The following ANK3 variants were observed in gnomAD, a reference collection of about 807,000 sequenced individuals.
ANK3 encodes the protein ankyrin-3.
In ANK3, 57 loss-of-function variants were observed where a neutral mutation model predicts 370.9. That is an observed-to-expected ratio of 0.15 (90% CI 0.12 to 0.19). ANK3 has a LOEUF of 0.19. Ranked by LOEUF, ANK3 falls within the 10% of genes least tolerant of loss-of-function variation. ANK3 has a pLI of 1.00. For missense variants in ANK3, 4,439 were observed against 5,302.1 expected (o/e 0.84, Z 5.06); for synonymous variants, 1,929 against 1,946.3 (o/e 0.99, Z 0.23).
chr10:60,171,880 T>C (rs550998029), intron 21 of ANK3, among the ~76,000 whole-genome samples: 2 of 152,348 alleles, frequency 1.3e-5, no homozygotes, highest in South Asian at 4.1e-4. Context: ...TAAACATTTT[T>C]TTACAGGAAT....
At chr10:60,728,461 A>C (rs899311590) in intron 1 of ANK3, among the ~76,000 whole-genome samples, 46 of 152,246 alleles carry the variant, frequency 3.0e-4, no homozygotes, top group African/African-American at 1.0e-3. Context: ...AAAGTTCCCA[A>C]CATTTGGAAA....
chr10:60,056,094 G>A, intron 41 of ANK3, 58 bp from the exon 42 acceptor site: 1 of 1,527,408 alleles, frequency 6.5e-7, no homozygotes, highest in Non-Finnish European at 8.7e-7. Context: ...ATAGGTTGCA[G>A]AAACTCTAAA....
intron 1 of ANK3, among the ~76,000 whole-genome samples, chr10:60,313,023 G>C (rs2132854584): frequency 6.6e-6 from 1 of 152,338 alleles, no homozygotes; most frequent in South Asian, 2.1e-4. Flanking sequence ...CTCTTGCTGG[G>C]AAGGCCAGTC....
At chr10:60,667,308 T>C (rs1285804386) in intron 1 of ANK3, among the ~76,000 whole-genome samples, 1 of 150,880 alleles carries the variant, frequency 6.6e-6, no homozygotes, top group Non-Finnish European at 1.5e-5. Flanking sequence ...CCCCATTTCC[T>C]ACTAAGAGAA....
chr10:60,600,735 A>G (rs879670300), intron 2 of ANK3, among the ~76,000 whole-genome samples: 4 of 152,184 alleles, frequency 2.6e-5, no homozygotes, highest in Non-Finnish European at 5.9e-5. Flanking sequence ...ACAAGGTTAT[A>G]TGTAACATTT....
chr10:60,157,188 C>T (rs2095357687), intron 23 of ANK3, among the ~76,000 whole-genome samples: 1 of 151,958 alleles, frequency 6.6e-6, no homozygotes, highest in Admixed American at 6.6e-5. Context: ...CAGGCACGTG[C>T]CACCACGCCT....
upstream of ANK3, chr10:60,389,946 T>C: frequency 1.4e-6 from 1 of 736,390 alleles, no homozygotes; most frequent in Non-Finnish European, 1.7e-6. Context: ...TCACCACACA[T>C]GCAGAAGCAA....
In ANK3 at chr10:60,134,323, T is replaced by C. The variant is rs2094232156; in HGVS notation, c.2789A>G (p.Tyr930Cys). The C allele has an allele frequency of 6.8e-6, 11 of 1,613,926 alleles. No individual in the cohort carries two copies. Among genetic ancestry groups the C allele is most frequent in the East Asian group, 2.2e-5 (1 of 44,830 alleles). ...TTCAATCATCATGCTGTCCCGTGCA[T>C]AGGAGCTTCTGTTCAAGGTGTAAGA... is the stretch of plus-strand genomic sequence containing the variant. The part of the protein sequence containing the change: ...DRSYTLNRSS[Y>C]ARDSMMIEEL... Residue 930 changes from tyrosine to cysteine, a missense_variant, in exon 25 of 44, where the codon TAT becomes TGT. Transcript: ENST00000280772.
At chr10:60,125,679 G>A (rs2093720977) in intron 25 of ANK3, among the ~76,000 whole-genome samples, 1 of 152,186 alleles carries the variant, frequency 6.6e-6, no homozygotes, top group South Asian at 2.1e-4. Context: ...ACGGGTGTGG[G>A]AGATGGGGGT....
At chr10:60,139,220 T>C (rs2132208521) in intron 23 of ANK3, 133 bp from the exon 24 acceptor site, 2 of 1,086,188 alleles carry the variant, frequency 1.8e-6, no homozygotes, top group East Asian at 2.4e-5. Context: ...ACCTGGATAA[T>C]TTTTGAAACT....
At chr10:60,127,988 C>G (rs1447926722) in intron 25 of ANK3, among the ~76,000 whole-genome samples, 1 of 151,988 alleles carries the variant, frequency 6.6e-6, no homozygotes, top group African/African-American at 2.4e-5. Context: ...TGAGCCACCG[C>G]GCCCGGCCAG....
At chr10:60,120,833 A>C (rs1263712523) in intron 25 of ANK3, among the ~76,000 whole-genome samples, 1 of 152,222 alleles carries the variant, frequency 6.6e-6, no homozygotes. Context: ...AATTCTAACC[A>C]GGATTTGGAG....
At chr10:60,587,519 A>C (rs2077849173) in intron 2 of ANK3, among the ~76,000 whole-genome samples, 1 of 152,196 alleles carries the variant, frequency 6.6e-6, no homozygotes, top group African/African-American at 2.4e-5. Flanking sequence ...TGAGCCTAGA[A>C]CATCTTGGCA....
upstream of ANK3, among the ~76,000 whole-genome samples, chr10:60,390,462 T>C (rs1160843163): frequency 1.3e-5 from 2 of 152,134 alleles, no homozygotes; most frequent in Non-Finnish European, 2.9e-5. Context: ...TGCTTTCATG[T>C]TAGGGTTTGC....
In ANK3 at chr10:60,525,579, C is replaced by T. The variant is rs372514814; in HGVS notation, c.96+89607G>A. ...CAGTGGTTACCAAGGAAATAAGAGA[C>T]GTGGGTTCTGTCCTATATGACTGTA... On this transcript the variant is annotated intron_variant, in intron 2 of 43. Transcript: ENST00000373827. Among the ~76,000 whole-genome samples the T allele has an allele frequency of 4.6e-4, 70 of 152,168 alleles. 2 individuals carry two copies. The South Asian group carries it at 0.01, about 23-fold the overall frequency.
intron 12 of ANK3, among the ~76,000 whole-genome samples, chr10:60,201,545 C>T (rs755570159): frequency 6.6e-6 from 1 of 152,114 alleles, no homozygotes; most frequent in Non-Finnish European, 1.5e-5. Context: ...AGTTACCACT[C>T]TGATAGCTAC....
At chr10:60,391,825 C>T (rs189051401), upstream of ANK3, among the ~76,000 whole-genome samples, 57 of 152,282 alleles carry the variant, frequency 3.7e-4, 1 homozygote, top group Middle Eastern at 0.034. Flanking sequence ...CTCTTTGCTT[C>T]CCCCAAATGT....
chr10:60,446,511 C>A (rs952594554), intron 2 of ANK3, among the ~76,000 whole-genome samples: 4 of 152,124 alleles, frequency 2.6e-5, no homozygotes, highest in African/African-American at 9.7e-5. Context: ...GGTTTGGAGA[C>A]TTTCTGGTGT....
chr10:60,200,402 G>C, intron 12 of ANK3, 175 bp from the exon 13 acceptor site: 1 of 655,702 alleles, frequency 1.5e-6, no homozygotes, highest in Non-Finnish European at 2.8e-6. Flanking sequence ...CCTGGTCCAT[G>C]AGGCAAAGAC....
Sources: allele counts gnomAD v4.1 joint callset (sites outside exome capture counted in the v4.1 genomes callset), GRCh38; gene constraint gnomAD v4.1.1; transcripts MANE v1.5; gene names NCBI Gene and HGNC (gene_info 2026-07-23, HGNC 2026-07-21).